The following ABAT variants were observed in gnomAD, a reference collection of about 807,000 sequenced individuals.
ABAT encodes 4-aminobutyrate aminotransferase.
Under a neutral mutation model 64.6 loss-of-function variants are expected in ABAT, and 45 were observed. That is an observed-to-expected ratio of 0.70 (90% confidence interval 0.55 to 0.89). The LOEUF is 0.89. Among genes scored for constraint, ABAT ranks in the 40% least tolerant of loss-of-function variants. The pLI, the probability that ABAT is intolerant of heterozygous loss-of-function variation, is 0.00. For missense variants in ABAT, 633 were observed against 658.4 expected (o/e 0.96, Z 0.42); for synonymous variants, 297 against 250.5 (o/e 1.19, Z -1.75).
intron 15 of ABAT, chr16:8,780,822 C>A: frequency 5.2e-6 from 1 of 190,774 alleles, no homozygotes; most frequent in East Asian, 1.2e-4. Flanking sequence ...CCAGCTGTAA[C>A]TGTGAAGTCA....
intron 1 of ABAT, chr16:8,722,794 G>A: frequency 7.8e-7 from 1 of 1,288,896 alleles, no homozygotes. Context: ...CTAGCGGATT[G>A]CAAAGGGCCT....
At chr16:8,745,968 C>A (rs1218876465) in intron 2 of ABAT, 33 bp from the exon 3 acceptor site, 2 of 1,591,176 alleles carry the variant, frequency 1.3e-6, no homozygotes, top group East Asian at 2.2e-5. Context: ...TCTGCTGTCA[C>A]CAGGGATTTC....
intron 1 of ABAT, among the ~76,000 whole-genome samples, chr16:8,701,626 T>C (rs58082925): frequency 0.041 from 6,240 of 152,312 alleles, 415 homozygotes; most frequent in African/African-American, 0.14. Flanking sequence ...CCCCAAACCT[T>C]AATGATCAAT....
In ABAT at chr16:8,764,402, C is replaced by G. The variant is rs1318549830; in HGVS notation, c.447+253C>G. Reference sequence around the variant, plus strand: ...GCCTTGCATATGTCATTCAATCCTGCCCCCACTTCTCGGTTTTAGTTACTA... The same window carrying G: ...GCCTTGCATATGTCATTCAATCCTGGCCCCACTTCTCGGTTTTAGTTACTA... On this transcript the variant is annotated intron_variant, in intron 7 of 15. Transcript: ENST00000268251. This position sits in a 1 kb window ranked among gnomAD's most constrained non-coding sequence, Gnocchi z 4.2. 6.6e-6 allele frequency among the ~76,000 whole-genome samples: 1 copy of G among 152,156 alleles called. No homozygotes were observed. The highest frequency in any genetic ancestry group is 1.5e-5 in the Non-Finnish European group (1 of 68,026).
rs2143010066 is a variant in ABAT, at chr16:8,782,904, T to G, written c.*1474T>G. 6.6e-6 allele frequency: 1 copy of G among 152,296 alleles called. No individual in the cohort carries two copies. Among genetic ancestry groups the G allele is most frequent in the Middle Eastern group, 3.4e-3 (1 of 294 alleles). 9.4% of individuals were successfully genotyped at this position (152,296 alleles called of 1,614,324 possible). ...CTGATTCAGCACTTTGCTCTTTTAA[T>G]AACAAATCGTCCAAAGATCTCAAAG... On this transcript the variant is annotated 3_prime_UTR_variant, in exon 16 of 16. Transcript: ENST00000268251.
chr16:8,754,227 T>C (rs1641018), intron 5 of ABAT, among the ~76,000 whole-genome samples: 130,086 of 136,128 alleles, frequency 0.96, 62,380 homozygotes, highest in East Asian at 1. Context: ...TGGTGGTGCA[T>C]ACCTGTAATC....
At position 8,748,127 on chromosome 16, in the gene ABAT, A is replaced by G; in HGVS notation, c.188A>G (p.Asn63Ser). ...PRSQELMKQL[N>S]IIQNAEAVHF... ...CTGCAGGAGTTAATGAAACAGCTGA[A>G]TATAATTCAGGTAAGTGAGGAGGAG... The change falls in exon 4 of 16, where the codon AAT becomes AGT. Residue 63 changes from asparagine (N) to serine (S), a missense_variant. Transcript: ENST00000268251. The G allele has an allele frequency of 3.1e-6, 5 of 1,613,688 alleles. No individual in the cohort carries two copies. Among genetic ancestry groups the G allele is most frequent in the Non-Finnish European group, 4.2e-6 (5 of 1,179,700 alleles).
chr16:8,775,288 G>A lies in ABAT; in HGVS notation c.1122+231G>A, dbSNP rs924898336. Among the ~76,000 whole-genome samples the A allele has an allele frequency of 1.7e-4, 21 of 125,724 alleles. 1 individual carries two copies. 82.5% of individuals were successfully genotyped at this position (125,724 alleles called of 152,430 possible). A position where few individuals can be genotyped will look rare whatever the true frequency, so the allele number is the denominator to read the frequency against. On this transcript the variant is annotated intron_variant, in intron 13 of 15. Transcript: ENST00000268251. ...CAGCCTTTTCCTGTTTTCTCTCTGT[G>A]TGCACACACAATAATATCATCGACA...
chr16:8,714,550 C>T (rs2058159077), intron 1 of ABAT: 1 of 152,232 alleles, frequency 6.6e-6, no homozygotes, highest in South Asian at 2.1e-4. Context: ...AAGAGGCAAC[C>T]AGAAGAAAGC....
chr16:8,720,517 G>A (rs1244448509), intron 1 of ABAT, among the ~76,000 whole-genome samples: 2 of 152,196 alleles, frequency 1.3e-5, no homozygotes, highest in South Asian at 2.1e-4. Flanking sequence ...GGGCCCATGC[G>A]GAGGGGAAAG....
intron 1 of ABAT, among the ~76,000 whole-genome samples, chr16:8,728,801 G>A (rs1032504719): frequency 6.6e-6 from 1 of 152,120 alleles, no homozygotes; most frequent in East Asian, 1.9e-4. Context: ...TTGAACCAGG[G>A]AGTCAGAGGT....
rs545272059 is a variant in ABAT, at chr16:8,719,349, C to A, written c.-41-16350C>A. Among the ~76,000 whole-genome samples, 23 of 152,326 alleles carry A rather than the reference C, an allele frequency of 1.5e-4. No individual in the cohort carries two copies. In the South Asian group the frequency reaches 1.7e-3, roughly 11 times the overall value. On this transcript the variant is annotated intron_variant, in intron 1 of 15. Transcript: ENST00000268251. ...GATCAGAAATCCAAAGCTAGCTTAT[C>A]CTTTTGCAGATGTTTCTTTCCATAT...
Position 8,680,480 on chromosome 16 carries a change from C to T in ABAT, c.-42+5769C>T, listed in dbSNP as rs531026402. Among the ~76,000 whole-genome samples the T allele has an allele frequency of 3.3e-5, 5 of 152,246 alleles. No homozygotes were observed. The East Asian group carries it at 5.8e-4, about 18-fold the overall frequency. On this transcript the variant is annotated intron_variant, in intron 1 of 15. Transcript: ENST00000268251. ...TTGCTCTGTCACCCAGGCTGGAGTG[C>T]AGTGGTGTGATCTCGGCTTACTGCA...
chr16:8,687,342 G>A (rs2141952403), intron 1 of ABAT, among the ~76,000 whole-genome samples: 1 of 152,262 alleles, frequency 6.6e-6, no homozygotes, highest in Admixed American at 6.5e-5. Context: ...GGTCAACACG[G>A]TGAAACCCCG....
intron 1 of ABAT, among the ~76,000 whole-genome samples, chr16:8,729,130 A>G (rs1309815129): frequency 1.4e-5 from 2 of 141,184 alleles, no homozygotes; most frequent in African/African-American, 2.7e-5. Context: ...AACGTGAGAA[A>G]AACCTGGCTC....
At chr16:8,706,080 C>T (rs913297119) in intron 1 of ABAT, among the ~76,000 whole-genome samples, 1 of 152,034 alleles carries the variant, frequency 6.6e-6, no homozygotes, top group South Asian at 2.1e-4. Flanking sequence ...CATGTGCAGT[C>T]CATCTCTGGG....
intron 1 of ABAT, among the ~76,000 whole-genome samples, chr16:8,716,710 G>A (rs115353587): frequency 0.011 from 1,742 of 152,308 alleles, 38 homozygotes; most frequent in African/African-American, 0.039. Context: ...CCCGTTGAGA[G>A]CCTCTCCTAG....
intron 1 of ABAT, among the ~76,000 whole-genome samples, chr16:8,707,186 C>CT (rs1491454805): frequency 2.6e-5 from 4 of 151,756 alleles, no homozygotes; most frequent in African/African-American, 7.3e-5. Context: ...AGAATAATCA[C>CT]TTTTTTTGTT....
intron 1 of ABAT, among the ~76,000 whole-genome samples, chr16:8,733,713 C>T (rs966424978): frequency 1.3e-5 from 2 of 151,792 alleles, no homozygotes; most frequent in South Asian, 2.1e-4. Context: ...CGCAGGCACT[C>T]GGCAGGCTGA....
Sources: gnomAD v4.1 joint callset for allele counts (sites outside exome capture counted in the v4.1 genomes callset) on GRCh38, gnomAD v4.1.1 for gene constraint, Gnocchi (gnomAD v3.1) non-coding constraint, MANE v1.5 for transcripts, NCBI Gene and HGNC (gene_info 2026-07-23, HGNC 2026-07-21) for gene names.